The following L3MBTL3 variants were observed in gnomAD, a reference collection of about 807,000 sequenced individuals.
L3MBTL3 encodes L3MBTL histone methyl-lysine binding protein 3.
L3MBTL3 carries 27 observed loss-of-function variants against 102.3 expected under a neutral mutation model. That is an observed-to-expected ratio of 0.26 (90% CI 0.19 to 0.36). The LOEUF (loss-of-function observed/expected upper bound fraction) is 0.36, where lower values mean the gene tolerates loss of function less well. Among genes scored for constraint, L3MBTL3 ranks in the 10% least tolerant of loss-of-function variants. The probability of loss-of-function intolerance (pLI) is 1.00; values close to 1 mark genes in which losing one functional copy is unlikely to be tolerated. For synonymous variants in L3MBTL3, 340 were observed against 320.9 expected, an observed-to-expected ratio of 1.06 and a Z score of -0.64; for missense variants, 798 against 955.3, an observed-to-expected ratio of 0.84 and a Z score of 2.17.
intron 13 of L3MBTL3, among the ~76,000 whole-genome samples, chr6:130,075,258 G>T (rs1782877625): frequency 6.6e-6 from 1 of 152,100 alleles, no homozygotes; most frequent in African/African-American, 2.4e-5. Flanking sequence ...AGGGGTGATG[G>T]CACTTGGAGG....
intron 15 of L3MBTL3, among the ~76,000 whole-genome samples, chr6:130,085,639 G>T (rs1490241937): frequency 6.6e-6 from 1 of 152,176 alleles, no homozygotes; most frequent in East Asian, 1.9e-4. Flanking sequence ...TTGAGAATTT[G>T]AAAGCCTGGT....
At chr6:130,037,770 A>G (rs1032632624) in intron 2 of L3MBTL3, among the ~76,000 whole-genome samples, 2 of 152,136 alleles carry the variant, frequency 1.3e-5, no homozygotes, top group African/African-American at 4.8e-5. Flanking sequence ...TTATCATTTC[A>G]TTGCTTTGGG....
chr6:130,070,947 T>C (rs1782600624), intron 12 of L3MBTL3, 29 bp from the exon 13 acceptor site: 1 of 1,604,040 alleles, frequency 6.2e-7, no homozygotes, highest in African/African-American at 1.3e-5. Context: ...TGTGTGCTTA[T>C]CTCTAATTAA....
chr6:130,097,000 G>A (rs1784398607), intron 18 of L3MBTL3, among the ~76,000 whole-genome samples: 1 of 152,130 alleles, frequency 6.6e-6, no homozygotes, highest in Non-Finnish European at 1.5e-5. Context: ...GTTGACTCGA[G>A]CCCCTGGACC....
At chr6:130,120,706 G>A (rs1786100114) in intron 19 of L3MBTL3, among the ~76,000 whole-genome samples, 173 bp from the exon 20 acceptor site, 1 of 152,106 alleles carries the variant, frequency 6.6e-6, no homozygotes, top group African/African-American at 2.4e-5. Context: ...AGGAAAATGG[G>A]CATTTATAGG....
In L3MBTL3 at chr6:130,102,335, T is replaced by C. The variant is rs571379552; in HGVS notation, c.1737-2091T>C. ...CTTTTCTTTCTTCAATTTTGTCCCATTGGAATCTTCTCTGCTTTCAAAATC... is the reference window on the plus strand; with the variant it reads ...CTTTTCTTTCTTCAATTTTGTCCCACTGGAATCTTCTCTGCTTTCAAAATC... On this transcript the variant is annotated intron_variant, in intron 18 of 22. Transcript: ENST00000361794. Among the ~76,000 whole-genome samples the C allele has an allele frequency of 9.2e-5, 14 of 152,278 alleles. No individual in the cohort carries two copies. The South Asian group carries it at 2.7e-3, about 29-fold the overall frequency.
In L3MBTL3 at chr6:130,070,919, G is replaced by A; in HGVS notation, c.1093-57G>A. 2.8e-6 allele frequency: 4 copies of A among 1,448,970 alleles called. No homozygotes were observed. In the South Asian group the frequency reaches 4.9e-5, roughly 18 times the overall value. The allele number at this position is 1,448,970 out of a possible 1,614,324, so 89.8% of individuals were successfully genotyped here. The stretch of plus-strand genomic sequence containing the variant: ...GAGCAGGAGGTGCAGAGAGTGTGCA[G>A]TTCTTGTGGTTGTCAAGTGTGTGCT... On this transcript the variant is annotated intron_variant, in intron 12 of 22. Coordinates refer to ENST00000361794, the MANE Select transcript of L3MBTL3 (RefSeq NM_032438.4).
chr6:130,088,414 T>A (rs912147712), intron 16 of L3MBTL3, among the ~76,000 whole-genome samples: 24 of 152,188 alleles, frequency 1.6e-4, no homozygotes, highest in Admixed American at 3.3e-4. Context: ...TCTTTCTTTT[T>A]TAAGAAGGAA....
intron 14 of L3MBTL3, among the ~76,000 whole-genome samples, 199 bp downstream of exon 14, chr6:130,078,833 G>C (rs913666688): frequency 6.6e-6 from 1 of 152,128 alleles, no homozygotes; most frequent in African/African-American, 2.4e-5. Context: ...TGCAGTAACA[G>C]TTTATTTACA....
chr6:130,049,548 C>T, intron 4 of L3MBTL3, 155 bp downstream of exon 4: 1 of 710,830 alleles, frequency 1.4e-6, no homozygotes. Context: ...TGATAGGAGC[C>T]AGCATTTATG....
chr6:130,133,461 A>T lies in L3MBTL3; in HGVS notation c.1976A>T (p.Glu659Val), dbSNP rs1787278809. The change falls in exon 21 of 23, where the codon GAA becomes GTA. Residue 659 changes from glutamate to valine, a missense_variant. Around this residue, in one of 4 missense-constraint regions of L3MBTL3, gnomAD observed 306 missense variants for 314.4 expected, o/e 0.97. Transcript: ENST00000361794. This position sits in a 1 kb window ranked among gnomAD's most constrained non-coding sequence, Gnocchi z 4.9. ...TGTTTTCATTGACCAGGTGCCCGGG[A>T]AGAACCCACCGTCCAGCAGGCACAG... ...RTSHEARGAREEPTVQQAQRR... is the reference protein window; with the variant it reads ...RTSHEARGARVEPTVQQAQRR... 6.2e-7 allele frequency: 1 copy of T among 1,613,732 alleles called. No homozygotes were observed. The highest frequency in any genetic ancestry group is 8.5e-7 in the Non-Finnish European group (1 of 1,179,838).
intron 1 of L3MBTL3, among the ~76,000 whole-genome samples, chr6:130,021,747 G>A (rs891142593): frequency 1.3e-5 from 2 of 152,150 alleles, no homozygotes; most frequent in African/African-American, 4.8e-5. Flanking sequence ...TGTATAGTCC[G>A]AGTAAGTAGT....
At chr6:130,039,914 T>C (rs1780313159) in intron 2 of L3MBTL3, among the ~76,000 whole-genome samples, 1 of 152,206 alleles carries the variant, frequency 6.6e-6, no homozygotes, top group Non-Finnish European at 1.5e-5. Context: ...TAGTGAACAT[T>C]CTTAGTTACC....
At chr6:130,115,789 A>C (rs1161476745) in intron 19 of L3MBTL3, among the ~76,000 whole-genome samples, 1 of 152,260 alleles carries the variant, frequency 6.6e-6, no homozygotes, top group Non-Finnish European at 1.5e-5. Context: ...CATTCAATAC[A>C]ACTGAAATGT....
At chr6:130,095,684 T>A (rs1784320355) in intron 18 of L3MBTL3, among the ~76,000 whole-genome samples, 1 of 152,210 alleles carries the variant, frequency 6.6e-6, no homozygotes, top group Non-Finnish European at 1.5e-5. Flanking sequence ...AAGAAATTTA[T>A]TTCTCACTTT....
At chr6:130,093,266 T>C (rs1328016627) in intron 17 of L3MBTL3, among the ~76,000 whole-genome samples, 1 of 152,176 alleles carries the variant, frequency 6.6e-6, no homozygotes, top group Non-Finnish European at 1.5e-5. Context: ...TGTATTATTA[T>C]TTACAACTGC....
At chr6:130,078,293 T>C (rs958785698) in intron 13 of L3MBTL3, among the ~76,000 whole-genome samples, 10 of 152,196 alleles carry the variant, frequency 6.6e-5, no homozygotes, top group African/African-American at 2.4e-4. Flanking sequence ...ATTTTTGCTG[T>C]AGTTGAAGTT....
chr6:130,083,920 TAAAG>T (rs910449858), intron 15 of L3MBTL3, among the ~76,000 whole-genome samples: 83 of 152,180 alleles, frequency 5.5e-4, no homozygotes, highest in African/African-American at 1.9e-3. Flanking sequence ...TTTTGGACTT[TAAAG>T]TCTCCTTGGA....
chr6:130,049,212 C>A, intron 3 of L3MBTL3, 70 bp from the exon 4 acceptor site: 1 of 855,848 alleles, frequency 1.2e-6, no homozygotes, highest in South Asian at 1.5e-5. Flanking sequence ...CTATATGTGT[C>A]AGCCATTAAA....
Sources: gnomAD v4.1 joint callset for allele counts (sites outside exome capture counted in the v4.1 genomes callset) on GRCh38, gnomAD v4.1.1 for gene constraint, gnomAD v4.1.1 regional missense constraint, Gnocchi (gnomAD v3.1) non-coding constraint, MANE v1.5 for transcripts, NCBI Gene and HGNC (gene_info 2026-07-23, HGNC 2026-07-21) for gene names.